Variants in ZFAND3 observed in about 807,000 individuals in gnomAD.
ZFAND3 encodes the protein zinc finger AN1-type containing 3, also known as AN1-type zinc finger protein 3.
A neutral mutation model predicts 29.6 loss-of-function variants in ZFAND3; 10 were observed. The observed-to-expected ratio is 0.34, with a 90% confidence interval of 0.21 to 0.57. The LOEUF (loss-of-function observed/expected upper bound fraction) is 0.57. Among genes scored for constraint, ZFAND3 ranks in the 20% least tolerant of loss-of-function variants. ZFAND3 has a pLI of 0.86. For synonymous variants in ZFAND3, 128 were observed against 112.6 expected (o/e 1.14, Z -0.87); for missense variants, 230 against 304.5 (o/e 0.76, Z 1.82).
chr6:38,050,203 C>G (rs895195706), intron 2 of ZFAND3, among the ~76,000 whole-genome samples: 1 of 151,904 alleles, frequency 6.6e-6, no homozygotes, highest in Admixed American at 6.6e-5. Flanking sequence ...GATCCACCCA[C>G]CTCGGCCTTC....
intron 4 of ZFAND3, among the ~76,000 whole-genome samples, chr6:38,096,536 T>C (rs1764984220): frequency 6.6e-6 from 1 of 152,202 alleles, no homozygotes; most frequent in Non-Finnish European, 1.5e-5. Flanking sequence ...GGCATCCCTT[T>C]TTTCCATTCA....
At chr6:37,897,224 A>G (rs145593886) in intron 1 of ZFAND3, among the ~76,000 whole-genome samples, 118 of 152,214 alleles carry the variant, frequency 7.8e-4, no homozygotes, top group African/African-American at 2.1e-3. Context: ...GTACGTAACT[A>G]TTATTTTGAT....
intron 4 of ZFAND3, among the ~76,000 whole-genome samples, chr6:38,110,142 T>C (rs571343945): frequency 1.3e-5 from 2 of 152,302 alleles, no homozygotes; most frequent in African/African-American, 4.8e-5. Flanking sequence ...CCATATCAAA[T>C]GAAGATGATG....
intron 1 of ZFAND3, among the ~76,000 whole-genome samples, chr6:37,893,886 G>A (rs1765149443): frequency 6.6e-6 from 1 of 151,980 alleles, no homozygotes; most frequent in African/African-American, 2.4e-5. Flanking sequence ...TCAACTTTGT[G>A]TTATTGTTGT....
Position 38,153,278 on chromosome 6 carries a change from G to C in ZFAND3, c.*889G>C. ...TTCTATATTGGGAGTTTTTTAAAAA[G>C]ACATTTCATAGCCAACAAGAATCAG... is the stretch of plus-strand genomic sequence containing the variant. On this transcript the variant is annotated 3_prime_UTR_variant, in exon 6 of 6. Transcript: ENST00000287218. 2.0e-6 allele frequency: 2 copies of C among 985,506 alleles called. No homozygotes were observed. The highest frequency in any genetic ancestry group is 2.4e-6 in the Non-Finnish European group (2 of 829,964). 61.0% of individuals were successfully genotyped at this position (985,506 alleles called of 1,614,324 possible). A position where few individuals can be genotyped will look rare whatever the true frequency, so the allele number is the denominator to read the frequency against.
chr6:38,134,006 C>A (rs549245544), intron 5 of ZFAND3, among the ~76,000 whole-genome samples: 1 of 152,120 alleles, frequency 6.6e-6, no homozygotes, highest in Non-Finnish European at 1.5e-5. Flanking sequence ...ACCACTTCCC[C>A]GTTTCAGAGA....
At chr6:37,903,678 G>A (rs779411466) in intron 1 of ZFAND3, among the ~76,000 whole-genome samples, 18 of 152,178 alleles carry the variant, frequency 1.2e-4, no homozygotes, top group Non-Finnish European at 2.2e-4. Context: ...CAGAGCACGC[G>A]CTCTAATAGC....
At chr6:38,133,297 C>T (rs1008955442) in intron 5 of ZFAND3, among the ~76,000 whole-genome samples, 1 of 152,172 alleles carries the variant, frequency 6.6e-6, no homozygotes, top group Non-Finnish European at 1.5e-5. Flanking sequence ...CAGTGCCTGG[C>T]GTGCGGTGAC....
chr6:38,128,196 G>A (rs1054189084), intron 5 of ZFAND3, among the ~76,000 whole-genome samples: 2 of 152,152 alleles, frequency 1.3e-5, no homozygotes, highest in African/African-American at 4.8e-5. Context: ...AAATTACAAA[G>A]TTTTACTAAA....
chr6:37,914,930 C>T (rs1761213603), intron 1 of ZFAND3, among the ~76,000 whole-genome samples: 1 of 152,014 alleles, frequency 6.6e-6, no homozygotes, highest in African/African-American at 2.4e-5. Context: ...AACGTTGAAG[C>T]CCAGCATTGA....
At chr6:38,092,454 G>A (rs1383991543) in intron 4 of ZFAND3, among the ~76,000 whole-genome samples, 1 of 152,206 alleles carries the variant, frequency 6.6e-6, no homozygotes, top group Admixed American at 6.5e-5. Context: ...AAAAAGTGAA[G>A]AACAGGAAGA....
At chr6:37,992,968 T>C (rs58860274) in intron 2 of ZFAND3, among the ~76,000 whole-genome samples, 4,643 of 152,302 alleles carry the variant, frequency 0.03, 184 homozygotes, top group African/African-American at 0.089. Context: ...AATACTTTAT[T>C]AGTTGACATG....
intron 1 of ZFAND3, among the ~76,000 whole-genome samples, chr6:37,820,229 A>G (rs1193703950): frequency 6.7e-6 from 1 of 149,312 alleles, no homozygotes; most frequent in East Asian, 2.0e-4. Flanking sequence ...GTGCGTTGCT[A>G]CCCTTTGGGA....
intron 2 of ZFAND3, among the ~76,000 whole-genome samples, chr6:38,028,497 A>G (rs1451571934): frequency 2.0e-5 from 3 of 152,080 alleles, no homozygotes; most frequent in Admixed American, 2.0e-4. Context: ...AGTGGTCTAT[A>G]TTCCATGCTT....
chr6:38,059,824 C>T (rs186748376), intron 2 of ZFAND3, among the ~76,000 whole-genome samples: 27 of 152,068 alleles, frequency 1.8e-4, no homozygotes, highest in East Asian at 1.4e-3. Context: ...TGCAGTGAGC[C>T]GAGATCATGC....
rs562273843 is a variant in ZFAND3 at position 38,135,745 on chromosome 6, A to G, written c.530-16490A>G. ...GGGCAACAGAGCAAGACTCCATCTC[A>G]ATTAAAAAAAAAACAAACAAAAAAA... On this transcript the variant is annotated intron_variant, in intron 5 of 5. Coordinates refer to ENST00000287218, the MANE Select transcript of ZFAND3 (RefSeq NM_021943.3). 3.1e-3 allele frequency among the ~76,000 whole-genome samples: 467 copies of G among 151,552 alleles called. 3 individuals carry two copies. Among genetic ancestry groups the G allele is most frequent in the African/African-American group, 0.011 (444 of 41,368 alleles).
At chr6:38,091,904 C>A (rs1764881248) in intron 4 of ZFAND3, among the ~76,000 whole-genome samples, 2 of 152,100 alleles carry the variant, frequency 1.3e-5, no homozygotes, top group South Asian at 4.1e-4. Flanking sequence ...CTAATAGAGG[C>A]TGGGGATGAC....
At chr6:38,004,562 C>CACAT (rs1763011140) in intron 2 of ZFAND3, among the ~76,000 whole-genome samples, 1 of 134,902 alleles carries the variant, frequency 7.4e-6, no homozygotes, top group Admixed American at 7.9e-5. Context: ...CACACACACA[C>CACAT]GAATGAATAA....
At chr6:38,016,764 A>G (rs1763259051) in intron 2 of ZFAND3, among the ~76,000 whole-genome samples, 1 of 152,148 alleles carries the variant, frequency 6.6e-6, no homozygotes, top group Non-Finnish European at 1.5e-5. Context: ...TGCAAAGGTT[A>G]TGTTTTTGTT....
Sources: allele counts gnomAD v4.1 joint callset (sites outside exome capture counted in the v4.1 genomes callset), GRCh38; gene constraint gnomAD v4.1.1; transcripts MANE v1.5; gene names NCBI Gene and HGNC (gene_info 2026-07-23, HGNC 2026-07-21).